FAM228B: variants seen among roughly 807,000 people sequenced by gnomAD.
FAM228B encodes the protein protein FAM228B.
In FAM228B, 38 loss-of-function variants were observed where a neutral mutation model predicts 42.6. The observed-to-expected ratio is 0.89, with a 90% confidence interval of 0.69 to 1.17. The LOEUF is 1.17. Ranked by LOEUF, FAM228B falls within the 50% of genes most tolerant of loss-of-function variation. The probability of loss-of-function intolerance (pLI) is 0.00; values close to 1 mark genes in which losing one functional copy is unlikely to be tolerated. For missense variants in FAM228B, 344 were observed against 367.3 expected, an observed-to-expected ratio of 0.94 and a Z score of 0.52; for synonymous variants, 109 against 122.3, an observed-to-expected ratio of 0.89 and a Z score of 0.72.
At chr2:24,121,035 A>C (rs1249253982), upstream of FAM228B, 2 of 1,259,128 alleles carry the variant, frequency 1.6e-6, no homozygotes, top group African/African-American at 3.0e-5. Context: ...CTAGACTGCT[A>C]TCTCAAGACA....
At chr2:24,101,939 C>G (rs1489627325) in intron 3 of FAM228B, among the ~76,000 whole-genome samples, 1 of 152,150 alleles carries the variant, frequency 6.6e-6, no homozygotes, top group Non-Finnish European at 1.5e-5. Context: ...GCCTTGGCTT[C>G]CCAAAGCGCT....
chr2:24,120,604 G>A (rs10195955), upstream of FAM228B, among the ~76,000 whole-genome samples: 17,913 of 151,736 alleles, frequency 0.12, 1,251 homozygotes, highest in South Asian at 0.18. Context: ...TGCCCAAGCC[G>A]GAGTGCAATG....
intron 7 of FAM228B, among the ~76,000 whole-genome samples, chr2:24,152,566 A>G (rs1667049151): frequency 6.6e-6 from 1 of 152,242 alleles, no homozygotes; most frequent in East Asian, 1.9e-4. Flanking sequence ...GATAAGATCC[A>G]GAAGAGTTAT....
chr2:24,158,624 A>G (rs921524015), intron 7 of FAM228B, among the ~76,000 whole-genome samples: 3 of 152,154 alleles, frequency 2.0e-5, no homozygotes, highest in Non-Finnish European at 4.4e-5. Flanking sequence ...GTTGGAGATC[A>G]CTGAAGAGTT....
In FAM228B at chr2:24,080,956, G is replaced by T; in HGVS notation, c.-210+1G>T. On this transcript the variant is annotated splice_donor_variant, in intron 2 of 10. Coordinates refer to the FAM228B transcript ENST00000613899. LOFTEE classifies it low-confidence loss of function (5UTR_SPLICE). This position sits in a 1 kb window ranked among gnomAD's most constrained non-coding sequence, Gnocchi z 4.7. ...CAGAGGAATAGCTCCAGCCATCCGG[G>T]TGAGTTGGATAGCAGCTGTGCCCAC... is the stretch of plus-strand genomic sequence containing the variant. 6.2e-7 allele frequency: 1 copy of T among 1,614,176 alleles called. No homozygotes were observed. The highest frequency in any genetic ancestry group is 1.3e-5 in the African/African-American group (1 of 75,032).
Position 24,094,154 on chromosome 2 carries a change from C to T in FAM228B, c.-209-987C>T, listed in dbSNP as rs371780605. ...TCTTGGATTCAAGTGATCCTCCTGC[C>T]CCAGCCTCCTGAATAACTGGGCCTT... On this transcript the variant is annotated intron_variant, in intron 2 of 10. Coordinates refer to the FAM228B transcript ENST00000613899. Among the ~76,000 whole-genome samples, 13 of 151,644 alleles carry T rather than the reference C, an allele frequency of 8.6e-5. No homozygotes were observed. The East Asian group carries it at 1.7e-3, about 20-fold the overall frequency.
At chr2:24,130,740 C>T (rs1415087770) in intron 2 of FAM228B, among the ~76,000 whole-genome samples, 2 of 152,060 alleles carry the variant, frequency 1.3e-5, no homozygotes, top group Non-Finnish European at 2.9e-5. Flanking sequence ...TTCTCCCATT[C>T]TGTAGGTTTC....
intron 3 of FAM228B, among the ~76,000 whole-genome samples, chr2:24,137,283 T>C (rs1666612666): frequency 6.6e-6 from 1 of 152,222 alleles, no homozygotes; most frequent in South Asian, 2.1e-4. Context: ...AGCCTGGATT[T>C]TCATTCATTT....
chr2:24,083,218 C>A, intron 2 of FAM228B: 1 of 1,481,878 alleles, frequency 6.7e-7, no homozygotes, highest in Non-Finnish European at 9.0e-7. Flanking sequence ...TACCCCTGGC[C>A]CCCCTTCCAA....
In FAM228B at chr2:24,084,646, G is replaced by A. The variant is rs963456635; in HGVS notation, c.-210+3691G>A. 10 of 273,152 alleles carry A rather than the reference G, an allele frequency of 3.7e-5. No homozygotes were observed. The highest frequency in any genetic ancestry group is 1.6e-4 in the African/African-American group (7 of 45,010). 16.9% of individuals were successfully genotyped at this position (273,152 alleles called of 1,614,324 possible). ...GGATGCGGCAGAGCAGGACAACGCCGAAGAGGATCAGGCAAATCACACTCC... is the reference window on the plus strand; with the variant it reads ...GGATGCGGCAGAGCAGGACAACGCCAAAGAGGATCAGGCAAATCACACTCC... On this transcript the variant is annotated intron_variant, in intron 2 of 10. Coordinates refer to the FAM228B transcript ENST00000613899. This position sits in a 1 kb window ranked among gnomAD's most constrained non-coding sequence, Gnocchi z 8.4.
intron 2 of FAM228B, chr2:24,082,773 A>G (rs1337571054): frequency 1.2e-5 from 17 of 1,370,814 alleles, no homozygotes; most frequent in Non-Finnish European, 9.7e-7. Flanking sequence ...CTGACAATAC[A>G]GGTGATACAG....
At chr2:24,146,467 C>T (rs1666897303) in intron 5 of FAM228B, among the ~76,000 whole-genome samples, 1 of 152,068 alleles carries the variant, frequency 6.6e-6, no homozygotes, top group Non-Finnish European at 1.5e-5. Context: ...AATTTGGGAA[C>T]ATATGGTAAC....
At chr2:24,090,247 T>C (rs1007474382) in intron 2 of FAM228B, among the ~76,000 whole-genome samples, 23 of 150,908 alleles carry the variant, frequency 1.5e-4, no homozygotes, top group African/African-American at 5.4e-4. Flanking sequence ...CAGCCTGGGC[T>C]ACAGAGTGAG....
chr2:24,136,086 G>T (rs1666580682), intron 3 of FAM228B, among the ~76,000 whole-genome samples: 1 of 96,954 alleles, frequency 1.0e-5, no homozygotes, highest in Non-Finnish European at 1.9e-5. Context: ...TTTTGAGACA[G>T]GGTCTCACTC....
chr2:24,115,674 T>C (rs1665891716), intron 3 of FAM228B: 1 of 1,542,556 alleles, frequency 6.5e-7, no homozygotes, highest in Non-Finnish European at 8.9e-7. Context: ...AAATGATTCA[T>C]TCATCCATTT....
At chr2:24,168,909 C>T (rs1667498701) in intron 10 of FAM228B, among the ~76,000 whole-genome samples, 1 of 152,114 alleles carries the variant, frequency 6.6e-6, no homozygotes, top group Non-Finnish European at 1.5e-5. Flanking sequence ...AGATTGTTTC[C>T]TTCTGTTTAC....
intron 7 of FAM228B, among the ~76,000 whole-genome samples, chr2:24,155,527 A>T (rs201493489): frequency 0.016 from 297 of 18,956 alleles, 5 homozygotes; most frequent in Non-Finnish European, 0.021. Flanking sequence ...ATATATATAT[A>T]TATATTTTTT....
intron 2 of FAM228B, among the ~76,000 whole-genome samples, chr2:24,128,558 A>G (rs1157496339): frequency 6.6e-6 from 1 of 151,580 alleles, no homozygotes; most frequent in Non-Finnish European, 1.5e-5. Flanking sequence ...TATTGGTTAA[A>G]TTTTCCTATT....
upstream of FAM228B, among the ~76,000 whole-genome samples, chr2:24,120,667 T>C (rs1666083203): frequency 3.3e-5 from 5 of 152,164 alleles, 2 homozygotes; most frequent in Admixed American, 3.3e-4. Context: ...GAAATTCTCC[T>C]GCCTCAGCCT....
Sources: gnomAD v4.1 joint callset for allele counts (sites outside exome capture counted in the v4.1 genomes callset) on GRCh38, gnomAD v4.1.1 for gene constraint, Gnocchi (gnomAD v3.1) non-coding constraint, MANE v1.5 for transcripts, NCBI Gene and HGNC (gene_info 2026-07-23, HGNC 2026-07-21) for gene names.